MAF: variants seen among roughly 807,000 people sequenced by gnomAD.
MAF encodes MAF bZIP transcription factor.
Under a neutral mutation model 22.0 loss-of-function variants are expected in MAF, and 10 were observed. The ratio of observed to expected loss-of-function variants is 0.45; its 90% CI spans 0.28 to 0.77. The LOEUF (loss-of-function observed/expected upper bound fraction) is 0.77, where lower values mean the gene tolerates loss of function less well. Ranked by LOEUF, MAF falls within the 30% of genes least tolerant of loss-of-function variation. MAF has a pLI of 0.12. For synonymous variants in MAF, 337 were observed against 255.8 expected (o/e 1.32, Z -3.03); for missense variants, 544 against 548.4 (o/e 0.99, Z 0.08).
the MAF span, chr16:79,204,677 G>A: frequency 6.6e-6 from 1 of 152,262 alleles, no homozygotes; most frequent in African/African-American, 2.4e-5. Context: ...AGGTCACCCT[G>A]CCCTTCAATC....
At chr16:79,461,309 G>A in the MAF span, among the ~76,000 whole-genome samples, 1 of 152,100 alleles carries the variant, frequency 6.6e-6, no homozygotes, top group South Asian at 2.1e-4. Flanking sequence ...ACAATAAAAT[G>A]CATTTTTTGC....
chr16:79,245,249 A>G, the MAF span, among the ~76,000 whole-genome samples: 241 of 152,094 alleles, frequency 1.6e-3, 8 homozygotes, highest in East Asian at 0.028. Context: ...CTTCTTCACA[A>G]CAAAAGAAAC....
chr16:79,459,272 T>C, the MAF span, among the ~76,000 whole-genome samples: 1 of 152,166 alleles, frequency 6.6e-6, no homozygotes, highest in South Asian at 2.1e-4. Flanking sequence ...AGAATCCTGA[T>C]TCCATTTTGG....
chr16:79,215,758 G>A, the MAF span, among the ~76,000 whole-genome samples: 4 of 152,250 alleles, frequency 2.6e-5, no homozygotes, highest in East Asian at 7.7e-4. Context: ...GAAATTCAAG[G>A]TTTAAAGTAA....
the MAF span, among the ~76,000 whole-genome samples, chr16:79,493,886 G>A: frequency 6.6e-6 from 1 of 151,710 alleles, no homozygotes; most frequent in South Asian, 2.1e-4. Flanking sequence ...TATTCTTGGT[G>A]GATGTGTATT....
chr16:79,542,276 C>A, the MAF span, among the ~76,000 whole-genome samples: 1 of 152,150 alleles, frequency 6.6e-6, no homozygotes, highest in Non-Finnish European at 1.5e-5. Context: ...GGAACGCAAA[C>A]AGGAAAGCGG....
the MAF span, among the ~76,000 whole-genome samples, chr16:79,238,231 C>T: frequency 3.3e-5 from 5 of 152,056 alleles, no homozygotes; most frequent in African/African-American, 1.2e-4. Flanking sequence ...AAGATGATGG[C>T]TTCATAACTG....
chr16:79,263,157 C>T, the MAF span, among the ~76,000 whole-genome samples: 1 of 152,336 alleles, frequency 6.6e-6, no homozygotes. Context: ...GACACGGCCT[C>T]TCATTGAACT....
chr16:79,482,512 G>A, the MAF span, among the ~76,000 whole-genome samples: 1 of 152,166 alleles, frequency 6.6e-6, no homozygotes, highest in African/African-American at 2.4e-5. Context: ...CTTCCTGCTT[G>A]ATAAGAAGGA....
the MAF span, among the ~76,000 whole-genome samples, chr16:79,427,275 G>T: frequency 6.6e-6 from 1 of 152,178 alleles, no homozygotes. Flanking sequence ...AAAGAGCCTG[G>T]TTCAGATCGC....
the MAF span, among the ~76,000 whole-genome samples, chr16:79,472,115 C>G: frequency 6.6e-6 from 1 of 152,130 alleles, no homozygotes; most frequent in Admixed American, 6.5e-5. Flanking sequence ...CATATGTAAG[C>G]ATCTAGATCA....
chr16:79,475,222 C>A, the MAF span, among the ~76,000 whole-genome samples: 1 of 151,860 alleles, frequency 6.6e-6, no homozygotes, highest in African/African-American at 2.4e-5. Context: ...TAACACTCTG[C>A]CAGGTATGGT....
At chr16:79,531,597 C>A in the MAF span, among the ~76,000 whole-genome samples, 1 of 152,088 alleles carries the variant, frequency 6.6e-6, no homozygotes, top group Non-Finnish European at 1.5e-5. Context: ...GCATTAGATT[C>A]TCATAAGGAG....
chr16:79,586,687 G>A (rs1912862080), intron 1 of MAF, among the ~76,000 whole-genome samples: 1 of 152,160 alleles, frequency 6.6e-6, no homozygotes, highest in South Asian at 2.1e-4. Flanking sequence ...CTGTACTAAT[G>A]TAAGTGGCAA....
the MAF span, among the ~76,000 whole-genome samples, chr16:79,441,324 T>C: frequency 6.6e-6 from 1 of 152,234 alleles, no homozygotes; most frequent in East Asian, 1.9e-4. Context: ...CAAGCTCCTC[T>C]CTTACACACT....
the MAF span, among the ~76,000 whole-genome samples, chr16:79,414,864 A>G: frequency 2.0e-5 from 3 of 152,244 alleles, no homozygotes; most frequent in Admixed American, 2.0e-4. Context: ...CTCCTCCACG[A>G]CACTAGTTCA....
At chr16:79,402,868 G>A in the MAF span, among the ~76,000 whole-genome samples, 8 of 152,308 alleles carry the variant, frequency 5.3e-5, no homozygotes, top group East Asian at 1.5e-3. Context: ...GGAGGGAAAC[G>A]TCTCAACCCA....
At chr16:79,250,530 G>T in the MAF span, among the ~76,000 whole-genome samples, 1 of 152,150 alleles carries the variant, frequency 6.6e-6, no homozygotes, top group African/African-American at 2.4e-5. Context: ...TCCATTATAT[G>T]GAGGGACTAC....
the MAF span, among the ~76,000 whole-genome samples, chr16:79,502,760 C>CT: frequency 6.2e-4 from 62 of 99,512 alleles, 2 homozygotes; most frequent in African/African-American, 2.4e-3. Context: ...TATATAAAGA[C>CT]TCATTAGCTC....
Sources: gnomAD v4.1 joint callset for allele counts (sites outside exome capture counted in the v4.1 genomes callset) on GRCh38, gnomAD v4.1.1 for gene constraint, MANE v1.5 for transcripts, NCBI Gene and HGNC (gene_info 2026-07-23, HGNC 2026-07-21) for gene names.